The following JAK1 variants were observed in gnomAD, a reference collection of about 807,000 sequenced individuals.
JAK1 encodes Janus kinase 1.
JAK1 carries 16 observed loss-of-function variants against 136.6 expected under a neutral mutation model. That is an observed-to-expected ratio of 0.12 (90% CI 0.08 to 0.18). The LOEUF (loss-of-function observed/expected upper bound fraction) is 0.18. Among genes scored for constraint, JAK1 ranks in the 10% least tolerant of loss-of-function variants. The pLI, the probability that JAK1 is intolerant of heterozygous loss-of-function variation, is 1.00. For missense variants in JAK1, 859 were observed against 1,450.1 expected (o/e 0.59, Z 6.62); for synonymous variants, 492 against 519.5 (o/e 0.95, Z 0.72).
chr1:65,034,318 T>C (rs1374256094), intron 2 of JAK1, among the ~76,000 whole-genome samples: 2 of 152,172 alleles, frequency 1.3e-5, no homozygotes, highest in Admixed American at 6.5e-5. Context: ...CACGACTTGA[T>C]ATGGAAGAGC....
intron 1 of JAK1, among the ~76,000 whole-genome samples, chr1:65,055,478 A>C (rs1016918015): frequency 1.3e-5 from 2 of 152,222 alleles, no homozygotes; most frequent in African/African-American, 4.8e-5. Flanking sequence ...AATATCTGTC[A>C]GAGTGCCGCC....
chr1:64,897,168 G>A (rs1350828073), intron 1 of JAK1, among the ~76,000 whole-genome samples: 4 of 151,830 alleles, frequency 2.6e-5, no homozygotes, highest in African/African-American at 7.3e-5. Context: ...GATGGCTCAC[G>A]CCTGCAATCT....
intron 2 of JAK1, among the ~76,000 whole-genome samples, chr1:64,982,709 C>T (rs985239576): frequency 1.3e-5 from 2 of 152,070 alleles, no homozygotes; most frequent in African/African-American, 4.8e-5. Flanking sequence ...GTGAGTAGTA[C>T]ATTACTACTT....
intron 1 of JAK1, among the ~76,000 whole-genome samples, chr1:64,886,669 G>T (rs1030274830): frequency 5.9e-5 from 9 of 151,770 alleles, no homozygotes; most frequent in African/African-American, 2.2e-4. Context: ...TCTCCTGATT[G>T]TGTGAACAAT....
Position 64,847,639 on chromosome 1 carries a change from A to G in JAK1, c.1792T>C (p.Tyr598His). The G allele has an allele frequency of 6.2e-7, 1 of 1,614,140 alleles. No homozygotes were observed. Among genetic ancestry groups the G allele is most frequent in the Non-Finnish European group, 8.5e-7 (1 of 1,180,000 alleles). Residue 598 changes from tyrosine to histidine, a missense_variant, in exon 13 of 25, where the codon TAT becomes CAT. By Grantham distance (83) the Tyr-to-His change is moderately conservative. Transcript: ENST00000342505. ...HLGRGTRTHI[Y>H]SGTLMDYKDD... ...TTGTAATCCATCAGGGTCCCAGAAT[A>G]GATGTGTGTTCTCGTGCCTCTCCCA...
chr1:64,837,265 G>A (rs1444140429), intron 22 of JAK1, among the ~76,000 whole-genome samples: 2 of 152,176 alleles, frequency 1.3e-5, no homozygotes, highest in Non-Finnish European at 2.9e-5. Flanking sequence ...TTAAATGAAT[G>A]AATGAGTAAG....
At chr1:64,878,559 G>GTATA (rs1644712868) in intron 4 of JAK1, among the ~76,000 whole-genome samples, 1 of 79,262 alleles carries the variant, frequency 1.3e-5, no homozygotes, top group Non-Finnish European at 2.5e-5. Flanking sequence ...TATATATAGT[G>GTATA]TGTATATATA....
At chr1:65,035,500 CGTT>C (rs1647064806) in intron 2 of JAK1, among the ~76,000 whole-genome samples, 1 of 152,294 alleles carries the variant, frequency 6.6e-6, no homozygotes, top group South Asian at 2.1e-4. Context: ...AACTGGGAAA[CGTT>C]GAGCAAATCA....
chr1:64,890,359 C>T (rs1186224755), intron 1 of JAK1, among the ~76,000 whole-genome samples: 1 of 151,844 alleles, frequency 6.6e-6, no homozygotes, highest in Non-Finnish European at 1.5e-5. Flanking sequence ...AAGTAAGCAA[C>T]ATTATGCAAT....
chr1:64,958,489 C>T (rs567624590), intron 1 of JAK1, among the ~76,000 whole-genome samples: 1 of 152,294 alleles, frequency 6.6e-6, no homozygotes, highest in African/African-American at 2.4e-5. Flanking sequence ...ACTTTTTAGT[C>T]TATGTTATGT....
At chr1:64,888,964 C>T (rs1456901929) in intron 1 of JAK1, among the ~76,000 whole-genome samples, 1 of 152,226 alleles carries the variant, frequency 6.6e-6, no homozygotes, top group East Asian at 1.9e-4. Flanking sequence ...GTTCTAAGCA[C>T]TTTAAACCTA....
intron 2 of JAK1, among the ~76,000 whole-genome samples, chr1:65,026,825 G>A (rs1015780056): frequency 1.3e-4 from 19 of 151,870 alleles, no homozygotes; most frequent in African/African-American, 3.6e-4. Flanking sequence ...AAATTAGCCA[G>A]GCATGGCGGA....
chr1:64,838,910 C>T (rs997117492), intron 20 of JAK1, among the ~76,000 whole-genome samples: 27 of 151,968 alleles, frequency 1.8e-4, no homozygotes, highest in Non-Finnish European at 3.4e-4. Flanking sequence ...CTTTGGGAGG[C>T]CGAGGCGGGC....
intron 5 of JAK1, among the ~76,000 whole-genome samples, chr1:64,870,133 G>A (rs553299955): frequency 7.9e-5 from 12 of 152,130 alleles, no homozygotes; most frequent in East Asian, 7.7e-4. Context: ...GAGTGAAAAC[G>A]ATAATTCCAG....
intron 1 of JAK1, among the ~76,000 whole-genome samples, chr1:64,913,628 G>A (rs1436192786): frequency 7.4e-6 from 1 of 135,714 alleles, no homozygotes; most frequent in Non-Finnish European, 1.5e-5. Context: ...TGGGAGGGAG[G>A]GAGGGAGGAA....
At chr1:64,882,656 T>G (rs1308018053) in intron 3 of JAK1, among the ~76,000 whole-genome samples, 9 of 152,178 alleles carry the variant, frequency 5.9e-5, no homozygotes, top group Admixed American at 1.3e-4. Context: ...TCCCACCTTC[T>G]GAGGGCAACA....
At position 64,850,810 on chromosome 1, in the gene JAK1, C is replaced by A. The variant is rs552861269; in HGVS notation, c.1749G>T (p.Leu583=). The A allele has an allele frequency of 4.3e-6, 7 of 1,613,136 alleles. No individual in the cohort carries two copies. The East Asian group carries it at 1.6e-4, about 36-fold the overall frequency. Residue 583 remains leucine (L), a synonymous_variant, in exon 12 of 25, where the codon CTG becomes CTT. Transcript: ENST00000342505. ...CCCTGCAGCCGTGACTCACCTGCACCAGATCCTTCTTGAGGATCCGATCGA... is the reference window on the plus strand; with the variant it reads ...CCCTGCAGCCGTGACTCACCTGCACAAGATCCTTCTTGAGGATCCGATCGA... ...LSFDRILKKD[L]VQGEHLGRGT...
chr1:65,052,350 T>C (rs1213623547), intron 1 of JAK1, among the ~76,000 whole-genome samples: 2 of 152,006 alleles, frequency 1.3e-5, no homozygotes, highest in Admixed American at 6.6e-5. Context: ...CTTACCTAAC[T>C]CGTTCATGCT....
At chr1:65,043,121 A>C (rs189384473) in intron 2 of JAK1, among the ~76,000 whole-genome samples, 17 of 152,318 alleles carry the variant, frequency 1.1e-4, no homozygotes, top group Non-Finnish European at 2.1e-4. Context: ...AGTGCATGAG[A>C]CCTGCTGTTT....
Sources: gnomAD v4.1 joint callset for allele counts (sites outside exome capture counted in the v4.1 genomes callset) on GRCh38, gnomAD v4.1.1 for gene constraint, MANE v1.5 for transcripts, NCBI Gene and HGNC (gene_info 2026-07-23, HGNC 2026-07-21) for gene names.